The following UBE2E2 variants were observed in gnomAD, a reference collection of about 807,000 sequenced individuals.
The protein encoded by UBE2E2 is ubiquitin-conjugating enzyme E2 E2.
Under a neutral mutation model 24.7 loss-of-function variants are expected in UBE2E2, and 6 were observed. The observed-to-expected ratio is 0.24, with a 90% CI of 0.13 to 0.48. The LOEUF (loss-of-function observed/expected upper bound fraction) is 0.48, where lower values mean the gene tolerates loss of function less well. Among genes scored for constraint, UBE2E2 ranks in the 20% least tolerant of loss-of-function variants. UBE2E2 has a pLI of 0.99. For synonymous variants in UBE2E2, 104 were observed against 83.6 expected (o/e 1.24, Z -1.33); for missense variants, 169 against 245.0 (o/e 0.69, Z 2.07).
Position 23,345,806 on chromosome 3 carries a change from T to C in UBE2E2, c.227+128494T>C, listed in dbSNP as rs918761726. ...ATTGCTGCTGTATATTTGATTAATATGTGAACAACATTTTTATTGTTAAAA... is the reference window on the plus strand; with the variant it reads ...ATTGCTGCTGTATATTTGATTAATACGTGAACAACATTTTTATTGTTAAAA... On this transcript the variant is annotated intron_variant, in intron 3 of 5. Transcript: ENST00000396703. 3.9e-5 allele frequency among the ~76,000 whole-genome samples: 6 copies of C among 152,340 alleles called. No homozygotes were observed. The South Asian group carries it at 8.3e-4, about 21-fold the overall frequency.
At chr3:23,226,326 C>T (rs555048619) in intron 3 of UBE2E2, among the ~76,000 whole-genome samples, 2 of 152,110 alleles carry the variant, frequency 1.3e-5, no homozygotes, top group Admixed American at 6.6e-5. Flanking sequence ...AAAGAACAAC[C>T]AATGCAAAAT....
At chr3:23,549,556 C>T (rs1361858056) in intron 5 of UBE2E2, among the ~76,000 whole-genome samples, 1 of 152,166 alleles carries the variant, frequency 6.6e-6, no homozygotes, top group African/African-American at 2.4e-5. Flanking sequence ...TCGGTGCCCT[C>T]ATTTGTGAAT....
intron 3 of UBE2E2, among the ~76,000 whole-genome samples, chr3:23,279,677 G>C (rs993929588): frequency 6.6e-6 from 1 of 152,134 alleles, no homozygotes; most frequent in African/African-American, 2.4e-5. Flanking sequence ...TTGTAAAGCT[G>C]GTGTTTTCTC....
At chr3:23,582,416 C>T (rs1274232363) in intron 5 of UBE2E2, among the ~76,000 whole-genome samples, 1 of 152,092 alleles carries the variant, frequency 6.6e-6, no homozygotes, top group Admixed American at 6.6e-5. Flanking sequence ...TGGATATACC[C>T]CGTAATGGGA....
At chr3:23,401,479 T>G (rs1459045304) in intron 3 of UBE2E2, among the ~76,000 whole-genome samples, 1 of 152,168 alleles carries the variant, frequency 6.6e-6, no homozygotes, top group Admixed American at 6.6e-5. Flanking sequence ...AAGATCACCT[T>G]GTATGTGAAA....
chr3:23,390,132 G>A (rs1309088518), intron 3 of UBE2E2, among the ~76,000 whole-genome samples: 2 of 152,104 alleles, frequency 1.3e-5, no homozygotes, highest in African/African-American at 4.8e-5. Context: ...TGGATAAGAG[G>A]AAGGGAAATA....
At chr3:23,295,145 A>G (rs1265861605) in intron 3 of UBE2E2, among the ~76,000 whole-genome samples, 1 of 152,186 alleles carries the variant, frequency 6.6e-6, no homozygotes, top group African/African-American at 2.4e-5. Flanking sequence ...GATAGTATAG[A>G]TCAGCTGAGA....
At chr3:23,517,500 A>T (rs563692086) in intron 4 of UBE2E2, among the ~76,000 whole-genome samples, 2 of 152,156 alleles carry the variant, frequency 1.3e-5, no homozygotes, top group Admixed American at 6.5e-5. Context: ...TAATTATGGT[A>T]TGTGTGGCCT....
chr3:23,278,258 A>G (rs1559330823), intron 3 of UBE2E2, among the ~76,000 whole-genome samples: 1 of 152,130 alleles, frequency 6.6e-6, no homozygotes, highest in African/African-American at 2.4e-5. Context: ...AGTTTTTCCT[A>G]TTACTTAAGA....
At chr3:23,558,912 A>G (rs145494718) in intron 5 of UBE2E2, among the ~76,000 whole-genome samples, 242 of 152,318 alleles carry the variant, frequency 1.6e-3, no homozygotes, top group African/African-American at 5.6e-3. Flanking sequence ...AATTGTATTT[A>G]TATTAACTGA....
chr3:23,548,415 A>C (rs535744151), intron 5 of UBE2E2, among the ~76,000 whole-genome samples: 3 of 152,180 alleles, frequency 2.0e-5, no homozygotes, highest in Non-Finnish European at 4.4e-5. Flanking sequence ...GTACATACAC[A>C]TGCACAAACC....
intron 4 of UBE2E2, among the ~76,000 whole-genome samples, chr3:23,510,684 TCTA>T (rs1312361271): frequency 6.6e-6 from 1 of 152,182 alleles, no homozygotes; most frequent in Non-Finnish European, 1.5e-5. Context: ...GCATACCTAT[TCTA>T]AACCATCAGG....
intron 4 of UBE2E2, among the ~76,000 whole-genome samples, chr3:23,508,632 G>A (rs1472098289): frequency 6.6e-6 from 1 of 152,144 alleles, no homozygotes; most frequent in African/African-American, 2.4e-5. Flanking sequence ...GATATCTACT[G>A]ACACACCCTT....
chr3:23,533,062 G>T (rs1301913815), intron 5 of UBE2E2, among the ~76,000 whole-genome samples: 1 of 152,136 alleles, frequency 6.6e-6, no homozygotes, highest in Non-Finnish European at 1.5e-5. Flanking sequence ...TTAATTTGAG[G>T]AATGTGGGCT....
intron 5 of UBE2E2, among the ~76,000 whole-genome samples, chr3:23,533,616 A>G (rs1402981489): frequency 3.3e-5 from 4 of 120,964 alleles, no homozygotes; most frequent in Non-Finnish European, 6.7e-5. Context: ...GTAGCAAATT[A>G]GTATTTTTTT....
At chr3:23,400,610 A>ACACACACACACACACACACATACT (rs1553608476) in intron 3 of UBE2E2, among the ~76,000 whole-genome samples, 16 of 100,194 alleles carry the variant, frequency 1.6e-4, no homozygotes, top group Middle Eastern at 5.7e-3. Context: ...TAAATGAAAC[A>ACACACACACACACACACACATACT]CACACACACA....
chr3:23,348,260 T>C (rs1695620295), intron 3 of UBE2E2, among the ~76,000 whole-genome samples: 1 of 151,834 alleles, frequency 6.6e-6, no homozygotes, highest in South Asian at 2.1e-4. Flanking sequence ...CTGCATGGTT[T>C]TTCATGGCCA....
chr3:23,480,957 A>G (rs1415774748), intron 3 of UBE2E2, among the ~76,000 whole-genome samples: 4 of 152,218 alleles, frequency 2.6e-5, no homozygotes, highest in African/African-American at 7.2e-5. Flanking sequence ...TTGGCGGTCT[A>G]GAAACAAAGA....
chr3:23,236,775 T>G lies in UBE2E2; in HGVS notation c.227+19463T>G, dbSNP rs374282742. On this transcript the variant is annotated intron_variant, in intron 3 of 5. Transcript: ENST00000396703. ...CCTAAGTGTACTCTTAAACATTTCC[T>G]GTGGATGTGTGGACCGCCTGTCTCT... 3.9e-5 allele frequency among the ~76,000 whole-genome samples: 6 copies of G among 152,272 alleles called. No homozygotes were observed. In the East Asian group the frequency reaches 9.6e-4, roughly 24 times the overall value.
Sources: allele counts gnomAD v4.1 joint callset (sites outside exome capture counted in the v4.1 genomes callset), GRCh38; gene constraint gnomAD v4.1.1; transcripts MANE v1.5; gene names NCBI Gene and HGNC (gene_info 2026-07-23, HGNC 2026-07-21).